The following FGGY variants were observed in gnomAD, a reference collection of about 807,000 sequenced individuals.
FGGY encodes FGGY carbohydrate kinase domain containing.
Under a neutral mutation model 71.3 loss-of-function variants are expected in FGGY, and 72 were observed. That is an observed-to-expected ratio of 1.01 (90% CI 0.84 to 1.23). The LOEUF (loss-of-function observed/expected upper bound fraction) is 1.23, where lower values mean the gene tolerates loss of function less well. FGGY is among the 50% of genes most tolerant of loss of function. The pLI is 0.00. For synonymous variants in FGGY, 251 were observed against 250.3 expected, an observed-to-expected ratio of 1.00 and a Z score of -0.02; for missense variants, 668 against 682.3, an observed-to-expected ratio of 0.98 and a Z score of 0.23.
chr1:59,433,806 G>A (rs146397715), intron 5 of FGGY, among the ~76,000 whole-genome samples: 13 of 152,236 alleles, frequency 8.5e-5, no homozygotes, highest in Non-Finnish European at 1.5e-4. Context: ...CGTTACCCAC[G>A]TGCTGGTTAG....
intron 2 of FGGY, among the ~76,000 whole-genome samples, chr1:59,324,266 C>CTT (rs71046329): frequency 0.032 from 2,500 of 78,150 alleles, 482 homozygotes; most frequent in Non-Finnish European, 0.042. Context: ...ATAATAACTA[C>CTT]TTTTTTTTTT....
At chr1:59,699,192 G>A (rs1020919305) in intron 14 of FGGY, 1 of 985,104 alleles carries the variant, frequency 1.0e-6, no homozygotes, top group African/African-American at 1.7e-5. Flanking sequence ...CAGTGTAAAT[G>A]TTAGGAGAAA....
At chr1:59,664,344 G>C (rs2097304368) in intron 12 of FGGY, among the ~76,000 whole-genome samples, 3 of 152,232 alleles carry the variant, frequency 2.0e-5, no homozygotes, top group Admixed American at 2.0e-4. Context: ...GTCCTCTAAG[G>C]AACCGCCAGA....
At chr1:59,603,479 A>G (rs1251241700) in intron 8 of FGGY, among the ~76,000 whole-genome samples, 2 of 152,210 alleles carry the variant, frequency 1.3e-5, no homozygotes, top group Admixed American at 6.5e-5. Context: ...AGGAGAGCTA[A>G]CGTTTATTTG....
intron 14 of FGGY, among the ~76,000 whole-genome samples, chr1:59,696,078 G>C (rs1217273123): frequency 6.6e-6 from 1 of 152,174 alleles, no homozygotes; most frequent in East Asian, 1.9e-4. Context: ...TTCTAAAAGT[G>C]AGAGAAATAT....
chr1:59,674,197 C>T, intron 14 of FGGY, 64 bp downstream of exon 14: 1 of 1,221,948 alleles, frequency 8.2e-7, no homozygotes, highest in Non-Finnish European at 1.2e-6. Flanking sequence ...TTCCTCTTGA[C>T]AGCAGCTCGC....
At position 59,667,898 on chromosome 1, in the gene FGGY, T is replaced by C. The variant is rs138803972; in HGVS notation, c.1417+495T>C. Among the ~76,000 whole-genome samples the C allele has an allele frequency of 1.2e-3, 176 of 152,232 alleles. 3 individuals carry two copies. The highest frequency in any genetic ancestry group is 4.1e-3 in the African/African-American group (169 of 41,554). ...AAACATAGTGGGGCACCTTGTCTGG[T>C]TTGGGACCTAATGGCAGCTCAGGGC... On this transcript the variant is annotated intron_variant, in intron 13 of 15. Transcript: ENST00000303721.
chr1:59,522,247 G>C (rs1018068519), intron 7 of FGGY, among the ~76,000 whole-genome samples: 3 of 152,242 alleles, frequency 2.0e-5, no homozygotes, highest in African/African-American at 7.2e-5. Context: ...GAGCCTATGA[G>C]CTCTCCCGTG....
chr1:59,507,329 A>C (rs999750288), intron 6 of FGGY, among the ~76,000 whole-genome samples: 1 of 152,244 alleles, frequency 6.6e-6, no homozygotes, highest in Non-Finnish European at 1.5e-5. Flanking sequence ...GTTAAGTTAC[A>C]GTCACTGTGT....
intron 1 of FGGY, among the ~76,000 whole-genome samples, chr1:59,299,942 G>A (rs958949260): frequency 1.3e-5 from 2 of 152,190 alleles, no homozygotes; most frequent in African/African-American, 4.8e-5. Flanking sequence ...GATCGAAAAA[G>A]CTTGCTTTAT....
intron 5 of FGGY, among the ~76,000 whole-genome samples, chr1:59,380,896 G>A (rs1409314685): frequency 6.6e-6 from 1 of 151,048 alleles, no homozygotes; most frequent in African/African-American, 2.5e-5. Context: ...GTATTGCCTG[G>A]CTTTCTTCTA....
intron 8 of FGGY, among the ~76,000 whole-genome samples, chr1:59,573,146 C>T (rs567832575): frequency 1.4e-4 from 21 of 152,028 alleles, no homozygotes; most frequent in East Asian, 5.8e-4. Flanking sequence ...TCAAAGGAGA[C>T]GAAAGAGACA....
intron 2 of FGGY, among the ~76,000 whole-genome samples, chr1:59,331,128 CTG>C (rs923099895): frequency 6.6e-6 from 1 of 152,162 alleles, no homozygotes. Flanking sequence ...AGGGCTGAGA[CTG>C]AGAGGCTTTA....
At chr1:59,629,502 A>G (rs1418167930) in intron 10 of FGGY, among the ~76,000 whole-genome samples, 3 of 152,214 alleles carry the variant, frequency 2.0e-5, no homozygotes, top group Non-Finnish European at 4.4e-5. Flanking sequence ...GAGAGGGATT[A>G]TGTCACATAA....
intron 14 of FGGY, among the ~76,000 whole-genome samples, chr1:59,732,717 T>G (rs994222883): frequency 6.6e-6 from 1 of 152,096 alleles, no homozygotes; most frequent in Non-Finnish European, 1.5e-5. Context: ...GTTAGTTGAT[T>G]ACTTTATGCA....
intron 14 of FGGY, among the ~76,000 whole-genome samples, chr1:59,733,068 T>C (rs775852701): frequency 2.6e-5 from 4 of 152,000 alleles, no homozygotes; most frequent in Non-Finnish European, 4.4e-5. Context: ...CTTACAGGCC[T>C]CTCCATCTCC....
At chr1:59,556,712 A>G (rs2095692259) in intron 8 of FGGY, among the ~76,000 whole-genome samples, 1 of 152,206 alleles carries the variant, frequency 6.6e-6, no homozygotes. Flanking sequence ...TAATGATGCC[A>G]GTCTCACAGG....
At chr1:59,356,226 G>C (rs835442) in intron 4 of FGGY, among the ~76,000 whole-genome samples, 2 of 151,910 alleles carry the variant, frequency 1.3e-5, no homozygotes, top group African/African-American at 4.8e-5. Flanking sequence ...CAAGGAATCT[G>C]TCATTACTTT....
At position 59,585,868 on chromosome 1, in the gene FGGY, C is replaced by T. The variant is rs1571664263; in HGVS notation, c.904-21935C>T. On this transcript the variant is annotated intron_variant, in intron 8 of 15. Coordinates refer to ENST00000303721, the MANE Select transcript of FGGY (RefSeq NM_018291.5). ...ATTGGGTGAAGGATATGAACAGACA[C>T]TTCTCAAAAGAAGACATTTATGCAG... Among the ~76,000 whole-genome samples the T allele has an allele frequency of 2.0e-5, 3 of 152,216 alleles. No individual in the cohort carries two copies. The South Asian group carries it at 6.2e-4, about 32-fold the overall frequency.
Sources: gnomAD v4.1 joint callset for allele counts (sites outside exome capture counted in the v4.1 genomes callset) on GRCh38, gnomAD v4.1.1 for gene constraint, MANE v1.5 for transcripts, NCBI Gene and HGNC (gene_info 2026-07-23, HGNC 2026-07-21) for gene names.